Variants in PDZK1 observed in about 807,000 individuals in gnomAD.
PDZK1 encodes the protein Na(+)/H(+) exchange regulatory cofactor NHE-RF3.
A neutral mutation model predicts 38.1 loss-of-function variants in PDZK1; 23 were observed. The observed-to-expected ratio is 0.60, with a 90% CI of 0.43 to 0.85. The LOEUF is 0.85. Ranked by LOEUF, PDZK1 falls within the 40% of genes least tolerant of loss-of-function variation. The pLI is 0.00. For missense variants in PDZK1, 297 were observed against 504.3 expected, an observed-to-expected ratio of 0.59 and a Z score of 3.94; for synonymous variants, 98 against 186.2, an observed-to-expected ratio of 0.53 and a Z score of 3.86.
chr1:145,686,000 T>A (rs1447572247), intron 3 of PDZK1, among the ~76,000 whole-genome samples: 4 of 152,154 alleles, frequency 2.6e-5, no homozygotes, highest in African/African-American at 9.7e-5. Flanking sequence ...GCCTGGCACA[T>A]CAGCAGGTGC....
intron 1 of PDZK1, among the ~76,000 whole-genome samples, chr1:145,706,989 G>A (rs1016703082): frequency 5.9e-5 from 9 of 152,032 alleles, no homozygotes; most frequent in Non-Finnish European, 1.0e-4. Flanking sequence ...TACCTGTGAA[G>A]TCAGTTGTCT....
At position 145,689,481 on chromosome 1, in the gene PDZK1, G is replaced by C. The variant is rs1553702715; in HGVS notation, c.-2-1458C>G. Among the ~76,000 whole-genome samples, 4 of 152,298 alleles carry C rather than the reference G, an allele frequency of 2.6e-5. No homozygotes were observed. The East Asian group carries it at 5.8e-4, about 22-fold the overall frequency. ...AGACAGGACAAGTGTAAAACCGACAGCTAGGGCTCCGGCACACAGTTATTA... is the reference window on the plus strand; with the variant it reads ...AGACAGGACAAGTGTAAAACCGACACCTAGGGCTCCGGCACACAGTTATTA... On this transcript the variant is annotated intron_variant, in intron 1 of 8. Coordinates refer to ENST00000417171, the MANE Select transcript of PDZK1 (RefSeq NM_001201325.2).
intron 1 of PDZK1, among the ~76,000 whole-genome samples, chr1:145,705,446 T>C (rs1347545290): frequency 3.3e-5 from 5 of 152,124 alleles, no homozygotes; most frequent in African/African-American, 4.8e-5. Context: ...ACTGGTGGCA[T>C]GGAGGTGGGA....
At chr1:145,684,768 T>C in intron 3 of PDZK1, among the ~76,000 whole-genome samples, 1 of 146,604 alleles carries the variant, frequency 6.8e-6, no homozygotes, top group South Asian at 2.4e-4. Flanking sequence ...TCTGTGGGTT[T>C]GTACCCATTA....
intron 3 of PDZK1, among the ~76,000 whole-genome samples, chr1:145,683,839 T>C (rs1180659809): frequency 1.3e-5 from 2 of 151,616 alleles, no homozygotes; most frequent in East Asian, 3.9e-4. Flanking sequence ...AGAAGCACTT[T>C]ACAGCCTTTT....
chr1:145,698,017 G>A (rs1424117353), intron 1 of PDZK1, among the ~76,000 whole-genome samples: 1 of 151,698 alleles, frequency 6.6e-6, no homozygotes, highest in Non-Finnish European at 1.5e-5. Context: ...TTGGTGAGAG[G>A]AAATACCTCT....
chr1:145,692,707 CAA>C (rs879949674), intron 1 of PDZK1, among the ~76,000 whole-genome samples: 15 of 102,520 alleles, frequency 1.5e-4, no homozygotes, highest in Non-Finnish European at 2.0e-4. Context: ...GATTCCGTCT[CAA>C]AAAAAAAAAA....
chr1:145,702,532 G>A (rs1166484230), intron 1 of PDZK1, among the ~76,000 whole-genome samples: 5 of 151,830 alleles, frequency 3.3e-5, no homozygotes, highest in East Asian at 1.9e-4. Flanking sequence ...GTCTTGCCTC[G>A]AGACAAACTT....
At chr1:145,674,746 C>CA (rs1653472342) in intron 6 of PDZK1, among the ~76,000 whole-genome samples, 1 of 152,158 alleles carries the variant, frequency 6.6e-6, no homozygotes, top group Non-Finnish European at 1.5e-5. Flanking sequence ...AGCTTGAAGA[C>CA]AGCCTGTCGT....
chr1:145,692,870 A>G (rs587622029), intron 1 of PDZK1, among the ~76,000 whole-genome samples: 59 of 151,844 alleles, frequency 3.9e-4, no homozygotes, highest in Non-Finnish European at 7.2e-4. Context: ...TTGTCTCCTA[A>G]AATTCAAAAA....
In PDZK1 at chr1:145,673,895, A is replaced by G; in HGVS notation, c.991-14T>C. 6.9e-7 allele frequency: 1 copy of G among 1,449,762 alleles called. No individual in the cohort carries two copies. Among genetic ancestry groups the G allele is most frequent in the Admixed American group, 1.8e-5 (1 of 56,112 alleles). 89.8% of individuals were successfully genotyped at this position (1,449,762 alleles called of 1,614,324 possible). On this transcript the variant is annotated splice_polypyrimidine_tract_variant and intron_variant, in intron 6 of 8. Coordinates refer to ENST00000417171, the MANE Select transcript of PDZK1 (RefSeq NM_001201325.2). ...AGAAAAATGAGCCTTTTGAAAAATA[A>G]AGGGAAAAAACATTAACTTAGTTGT...
chr1:145,698,071 G>A (rs1199250176), intron 1 of PDZK1, among the ~76,000 whole-genome samples: 6 of 152,014 alleles, frequency 3.9e-5, no homozygotes, highest in African/African-American at 1.4e-4. Flanking sequence ...TGATAAAGAA[G>A]AAAACAAGGT....
At chr1:145,698,920 C>T (rs1655789277) in intron 1 of PDZK1, among the ~76,000 whole-genome samples, 1 of 151,654 alleles carries the variant, frequency 6.6e-6, no homozygotes, top group Non-Finnish European at 1.5e-5. Context: ...GCCTGGGCGA[C>T]AGAACGAGAG....
intron 1 of PDZK1, among the ~76,000 whole-genome samples, chr1:145,688,577 A>T (rs1311325269): frequency 6.6e-6 from 1 of 152,198 alleles, no homozygotes; most frequent in Non-Finnish European, 1.5e-5. Context: ...GATGGGAAGA[A>T]CAAAGAACAT....
At chr1:145,686,405 A>T in intron 3 of PDZK1, 72 bp downstream of exon 3, 1 of 1,521,722 alleles carries the variant, frequency 6.6e-7, no homozygotes, top group Non-Finnish European at 8.9e-7. Flanking sequence ...ATTAACCAGT[A>T]GCATCTTTGT....
At position 145,682,785 on chromosome 1, in the gene PDZK1, C is replaced by A; in HGVS notation, c.461-149G>T. On this transcript the variant is annotated intron_variant, in intron 3 of 8. Coordinates refer to ENST00000417171, the MANE Select transcript of PDZK1 (RefSeq NM_001201325.2). ...TACTGTCCCTAGTCTAAGAACATGT[C>A]AACCTTAATGTTATCACGCAAATTA... is the stretch of plus-strand genomic sequence containing the variant. 14 of 1,117,352 alleles carry A rather than the reference C, an allele frequency of 1.3e-5. 1 individual carries two copies. In the South Asian group the frequency reaches 2.1e-4, roughly 17 times the overall value. 69.2% of individuals were successfully genotyped at this position (1,117,352 alleles called of 1,614,324 possible). A position where few individuals can be genotyped will look rare whatever the true frequency, so the allele number is the denominator to read the frequency against.
intron 1 of PDZK1, among the ~76,000 whole-genome samples, chr1:145,698,301 A>T (rs1655754290): frequency 6.6e-6 from 1 of 151,914 alleles, no homozygotes; most frequent in Non-Finnish European, 1.5e-5. Flanking sequence ...TTTTCAAGAG[A>T]CTCTGGAAAT....
At chr1:145,698,255 G>A (rs74489674) in intron 1 of PDZK1, among the ~76,000 whole-genome samples, 2,450 of 152,182 alleles carry the variant, frequency 0.016, 61 homozygotes, top group African/African-American at 0.056. Context: ...GAAGACAACT[G>A]CCTGAGGAAG....
rs1029630441 is a variant in PDZK1 at position 145,697,242 on chromosome 1, G to A, written c.-2-9219C>T. 4.6e-5 allele frequency among the ~76,000 whole-genome samples: 7 copies of A among 151,916 alleles called. No individual in the cohort carries two copies. In the East Asian group the frequency reaches 7.7e-4, roughly 17 times the overall value. On this transcript the variant is annotated intron_variant, in intron 1 of 8. Coordinates refer to ENST00000417171, the MANE Select transcript of PDZK1 (RefSeq NM_001201325.2). ...CTTGGGAGGCTGAGGCAGGAGAATC[G>A]CTTGAACCCGGGAGGCAGTGGTTGC...
Sources: gnomAD v4.1 joint callset for allele counts (sites outside exome capture counted in the v4.1 genomes callset) on GRCh38, gnomAD v4.1.1 for gene constraint, MANE v1.5 for transcripts, NCBI Gene and HGNC (gene_info 2026-07-23, HGNC 2026-07-21) for gene names.